Variants in MINDY4B observed in about 807,000 individuals in gnomAD.
MINDY4B encodes the protein inactive ubiquitin carboxyl-terminal hydrolase MINDY-4B.
A neutral mutation model predicts 16.7 loss-of-function variants in MINDY4B; 25 were observed. That is an observed-to-expected ratio of 1.49 (90% confidence interval 1.09 to 2.09). MINDY4B has a LOEUF of 2.09. MINDY4B is among the 30% of genes most tolerant of loss of function. The pLI is 0.00. For synonymous variants in MINDY4B, 132 were observed against 61.9 expected (o/e 2.13, Z -5.32); for missense variants, 327 against 168.4 (o/e 1.94, Z -5.21).
At position 150,871,170 on chromosome 3, in the gene MINDY4B, A is replaced by G. The variant is rs1240838500; in HGVS notation, c.1258T>C (p.Trp420Arg). ...RLTIDTHSHH[W>R]ERDQQEEKHG... ...TTCTCTTCCTGTTGGTCTCTTTCCC[A>G]GTGATGGGAGTGAGTATCTGAAGAA... The change falls in exon 12 of 12, where the codon TGG becomes CGG. Residue 420 changes from tryptophan (W) to arginine (R), a missense_variant. By Grantham distance (101) the Trp-to-Arg change is moderately radical (BLOSUM62 -3). Coordinates refer to ENST00000465419, the MANE Select transcript of MINDY4B (RefSeq NM_001351281.2). 5.7e-6 allele frequency: 4 copies of G among 702,706 alleles called. No individual in the cohort carries two copies. The East Asian group carries it at 1.1e-4, about 19-fold the overall frequency. The allele number at this position is 702,706 out of a possible 1,614,324, so 43.5% of individuals were successfully genotyped here.
At chr3:150,884,171 C>G (rs151186080) in intron 8 of MINDY4B, among the ~76,000 whole-genome samples, 1 of 152,186 alleles carries the variant, frequency 6.6e-6, no homozygotes. Flanking sequence ...ATGGAAAACA[C>G]GGTTGTGGCC....
At position 150,877,251 on chromosome 3, in the gene MINDY4B, T is replaced by G. The variant is rs192811981; in HGVS notation, c.1060-3884A>C. Reference sequence around the variant, plus strand: ...GGTTTTCTTCTGAACTAAGAAATCTTTCTTATATTAGGTTTTTATCATCAG... The same window carrying G: ...GGTTTTCTTCTGAACTAAGAAATCTGTCTTATATTAGGTTTTTATCATCAG... On this transcript the variant is annotated intron_variant, in intron 10 of 11. Coordinates refer to ENST00000465419, the MANE Select transcript of MINDY4B (RefSeq NM_001351281.2). Among the ~76,000 whole-genome samples the G allele has an allele frequency of 1.6e-4, 24 of 152,246 alleles. 1 individual carries two copies. Among genetic ancestry groups the G allele is most frequent in the Admixed American group, 1.4e-3 (22 of 15,292 alleles).
chr3:150,872,175 T>C (rs560368126), intron 11 of MINDY4B, among the ~76,000 whole-genome samples: 1 of 152,346 alleles, frequency 6.6e-6, no homozygotes, highest in Non-Finnish European at 1.5e-5. Context: ...AAATGATTCT[T>C]GTGAGCTAAT....
intron 6 of MINDY4B, 61 bp downstream of exon 6, chr3:150,890,877 C>G: frequency 2.9e-6 from 2 of 689,794 alleles, no homozygotes; most frequent in Non-Finnish European, 2.7e-6. Flanking sequence ...CATGGTAAGT[C>G]TATTACATGC....
chr3:150,882,647 AT>A, intron 10 of MINDY4B, among the ~76,000 whole-genome samples: 1 of 151,940 alleles, frequency 6.6e-6, no homozygotes, highest in East Asian at 1.9e-4. Context: ...TGCTTTAAAA[AT>A]GTATGTATTA....
intron 10 of MINDY4B, among the ~76,000 whole-genome samples, chr3:150,879,382 G>C (rs187100595): frequency 3.3e-5 from 5 of 152,246 alleles, no homozygotes; most frequent in African/African-American, 9.6e-5. Context: ...CAGGAATGCT[G>C]CTCAATAGCC....
chr3:150,899,811 C>T (rs569326967), intron 3 of MINDY4B, among the ~76,000 whole-genome samples: 2 of 152,176 alleles, frequency 1.3e-5, no homozygotes, highest in African/African-American at 4.8e-5. Context: ...TTAACTCACA[C>T]CTGTCGAGAC....
intron 4 of MINDY4B, 125 bp downstream of exon 4, chr3:150,894,056 TTTACA>T (rs1354136355): frequency 1.9e-6 from 1 of 515,342 alleles, no homozygotes; most frequent in East Asian, 3.1e-5. Context: ...AAGGTTAAAC[TTTACA>T]TTATAAATAT....
At position 150,870,703 on chromosome 3, in the gene MINDY4B, A is replaced by G. The variant is rs1448532660; in HGVS notation, c.*342T>C. On this transcript the variant is annotated 3_prime_UTR_variant, in exon 12 of 12. Transcript: ENST00000465419. ...ATGAAAGCTAGCAGCCTGCTTCCGTAATCCTCATGGAGAGTTATACCAAGA... is the reference window on the plus strand; with the variant it reads ...ATGAAAGCTAGCAGCCTGCTTCCGTGATCCTCATGGAGAGTTATACCAAGA... Among the ~76,000 whole-genome samples the G allele has an allele frequency of 6.6e-6, 1 of 152,218 alleles. No homozygotes were observed. The highest frequency in any genetic ancestry group is 2.4e-5 in the African/African-American group (1 of 41,458).
At chr3:150,902,161 C>G (rs1712132415) in intron 3 of MINDY4B, among the ~76,000 whole-genome samples, 1 of 152,168 alleles carries the variant, frequency 6.6e-6, no homozygotes, top group African/African-American at 2.4e-5. Flanking sequence ...AGTGCACAAA[C>G]TGTGCAACTC....
Position 150,885,355 on chromosome 3 carries a change from CT to C in MINDY4B, c.824+12del. ...CTATAGAAAATACCTGTGTAAACATCTGTAGAATTTACCTTTCAAATGTTCT... is the reference window on the plus strand; with the variant it reads ...CTATAGAAAATACCTGTGTAAACATCGTAGAATTTACCTTTCAAATGTTCT... On this transcript the variant is annotated intron_variant, in intron 8 of 11. Coordinates refer to ENST00000465419, the MANE Select transcript of MINDY4B (RefSeq NM_001351281.2). The C allele has an allele frequency of 1.4e-6, 1 of 702,634 alleles. No individual in the cohort carries two copies. The highest frequency in any genetic ancestry group is 2.6e-6 in the Non-Finnish European group (1 of 384,784). 43.5% of individuals were successfully genotyped at this position (702,634 alleles called of 1,614,324 possible).
chr3:150,904,782 T>C (rs1712200212), intron 2 of MINDY4B, among the ~76,000 whole-genome samples: 1 of 152,240 alleles, frequency 6.6e-6, no homozygotes, highest in Non-Finnish European at 1.5e-5. Flanking sequence ...ATTTCACAAA[T>C]GTGGGAACTT....
chr3:150,893,696 T>TTGA (rs1491107329), intron 4 of MINDY4B, among the ~76,000 whole-genome samples: 1 of 53,596 alleles, frequency 1.9e-5, no homozygotes, highest in Admixed American at 2.3e-4. Context: ...AGTTTTTTTT[T>TTGA]GGGGGGGGGG....
chr3:150,879,344 G>A (rs1161943254), intron 10 of MINDY4B, among the ~76,000 whole-genome samples: 1 of 152,076 alleles, frequency 6.6e-6, no homozygotes. Context: ...ACTGGGGCCA[G>A]TGCTGCTGGC....
intron 10 of MINDY4B, among the ~76,000 whole-genome samples, chr3:150,874,644 A>G (rs1473280748): frequency 6.6e-6 from 1 of 152,210 alleles, no homozygotes; most frequent in African/African-American, 2.4e-5. Flanking sequence ...GAAGAGACCA[A>G]TGTTGCCATT....
chr3:150,904,197 T>C (rs2107913463), intron 2 of MINDY4B, among the ~76,000 whole-genome samples: 1 of 152,336 alleles, frequency 6.6e-6, no homozygotes, highest in South Asian at 2.1e-4. Flanking sequence ...TTTGTGCCAA[T>C]GGGTTTTTCC....
chr3:150,875,350 A>G (rs73019268), intron 10 of MINDY4B, among the ~76,000 whole-genome samples: 198 of 152,360 alleles, frequency 1.3e-3, no homozygotes, highest in African/African-American at 4.6e-3. Flanking sequence ...AAAAACTTGA[A>G]TAAAACTAGG....
intron 2 of MINDY4B, among the ~76,000 whole-genome samples, chr3:150,904,281 C>T (rs983669922): frequency 6.6e-6 from 1 of 152,122 alleles, no homozygotes; most frequent in African/African-American, 2.4e-5. Flanking sequence ...TCTATCCCCC[C>T]AAATGATAGA....
At chr3:150,903,569 A>G (rs566643262) in intron 2 of MINDY4B, among the ~76,000 whole-genome samples, 153 bp from the exon 3 acceptor site, 1 of 152,374 alleles carries the variant, frequency 6.6e-6, no homozygotes, top group African/African-American at 2.4e-5. Flanking sequence ...TAGCAATAAA[A>G]GAGGCAGAAA....
Sources: gnomAD v4.1 joint callset for allele counts (sites outside exome capture counted in the v4.1 genomes callset) on GRCh38, gnomAD v4.1.1 for gene constraint, MANE v1.5 for transcripts, NCBI Gene and HGNC (gene_info 2026-07-23, HGNC 2026-07-21) for gene names.